The following RAB3C variants were observed in gnomAD, a reference collection of about 807,000 sequenced individuals.
RAB3C encodes ras-related protein Rab-3C.
Under a neutral mutation model 26.4 loss-of-function variants are expected in RAB3C, and 17 were observed. That is an observed-to-expected ratio of 0.64 (90% confidence interval 0.44 to 0.97). RAB3C has a LOEUF of 0.97. Ranked by LOEUF, RAB3C falls within the 50% of genes least tolerant of loss-of-function variation. The probability of loss-of-function intolerance (pLI) is 0.00; values close to 1 mark genes in which losing one functional copy is unlikely to be tolerated. For missense variants in RAB3C, 242 were observed against 281.9 expected (o/e 0.86, Z 1.01); for synonymous variants, 91 against 95.9 (o/e 0.95, Z 0.30).
intron 3 of RAB3C, among the ~76,000 whole-genome samples, chr5:58,746,368 A>C (rs960212671): frequency 2.0e-5 from 3 of 152,182 alleles, no homozygotes; most frequent in African/African-American, 7.2e-5. Context: ...TCAGGACAAC[A>C]AAGAACATCA....
intron 3 of RAB3C, among the ~76,000 whole-genome samples, chr5:58,820,886 C>G (rs1025955509): frequency 1.3e-5 from 2 of 152,094 alleles, no homozygotes; most frequent in African/African-American, 2.4e-5. Context: ...TTACAGCAGC[C>G]TGAGACCCCA....
At chr5:58,697,178 T>G (rs1288834349) in intron 2 of RAB3C, among the ~76,000 whole-genome samples, 2 of 152,158 alleles carry the variant, frequency 1.3e-5, no homozygotes, top group Non-Finnish European at 2.9e-5. Context: ...ATTTCGTTAT[T>G]TACCCAGTAG....
chr5:58,766,266 G>A (rs1741901377), intron 3 of RAB3C, among the ~76,000 whole-genome samples: 1 of 152,026 alleles, frequency 6.6e-6, no homozygotes, highest in Admixed American at 6.6e-5. Flanking sequence ...ACAGGCGTGT[G>A]CCACCACATT....
chr5:58,717,131 A>T (rs1280976954), intron 2 of RAB3C, among the ~76,000 whole-genome samples: 1 of 152,084 alleles, frequency 6.6e-6, no homozygotes, highest in Non-Finnish European at 1.5e-5. Flanking sequence ...CTTTTTAAAA[A>T]GTTGATTATT....
intron 4 of RAB3C, among the ~76,000 whole-genome samples, chr5:58,834,179 C>G (rs1476069875): frequency 6.6e-6 from 1 of 152,204 alleles, no homozygotes; most frequent in Non-Finnish European, 1.5e-5. Context: ...TAGATTTCAG[C>G]CTATCGTTAC....
At chr5:58,719,099 G>A (rs1465336703) in intron 2 of RAB3C, among the ~76,000 whole-genome samples, 7 of 151,828 alleles carry the variant, frequency 4.6e-5, no homozygotes, top group Non-Finnish European at 8.8e-5. Flanking sequence ...CAGTATATGC[G>A]TCATGACTTT....
intron 2 of RAB3C, among the ~76,000 whole-genome samples, chr5:58,658,140 A>G: frequency 6.6e-6 from 1 of 152,210 alleles, no homozygotes; most frequent in East Asian, 1.9e-4. Context: ...AGTATTAGAC[A>G]ATTTGCCTAT....
intron 2 of RAB3C, among the ~76,000 whole-genome samples, chr5:58,710,599 AAAATAAATAAAT>A (rs1554048943): frequency 4.1e-4 from 55 of 135,624 alleles, no homozygotes; most frequent in Admixed American, 7.1e-4. Context: ...ACTCTGTCTC[AAAATAAATAAAT>A]AAATAAATAA....
At chr5:58,678,185 G>C (rs765333707) in intron 2 of RAB3C, among the ~76,000 whole-genome samples, 2 of 151,986 alleles carry the variant, frequency 1.3e-5, no homozygotes, top group African/African-American at 4.8e-5. Flanking sequence ...CCTTCTTTAT[G>C]ATGCTAAATT....
At chr5:58,720,220 T>G (rs1561299767) in intron 2 of RAB3C, among the ~76,000 whole-genome samples, 1 of 151,912 alleles carries the variant, frequency 6.6e-6, no homozygotes, top group Non-Finnish European at 1.5e-5. Flanking sequence ...CCCTTCAACT[T>G]TAAATTTTTG....
At chr5:58,734,734 TCTC>T (rs1741099487) in intron 3 of RAB3C, among the ~76,000 whole-genome samples, 1 of 151,918 alleles carries the variant, frequency 6.6e-6, no homozygotes, top group South Asian at 2.1e-4. Context: ...AATCTTAACT[TCTC>T]ATTTTCTCAG....
chr5:58,673,044 G>A (rs1436657375), intron 2 of RAB3C, among the ~76,000 whole-genome samples: 1 of 152,110 alleles, frequency 6.6e-6, no homozygotes, highest in Non-Finnish European at 1.5e-5. Flanking sequence ...TTGGAGTTGG[G>A]TTTTGTTGGG....
At chr5:58,795,245 TGTTA>T (rs1440706184) in intron 3 of RAB3C, among the ~76,000 whole-genome samples, 5 of 152,228 alleles carry the variant, frequency 3.3e-5, no homozygotes, top group African/African-American at 1.2e-4. Context: ...CATGTGGAAC[TGTTA>T]GTCAATTAAA....
rs35213627 is a variant in RAB3C at position 58,707,988 on chromosome 5, C to CTT, written c.253-18001_253-18000dup. Among the ~76,000 whole-genome samples, 351 of 142,494 alleles carry CTT rather than the reference C, an allele frequency of 2.5e-3. 5 individuals are homozygous for CTT. The South Asian group carries it at 0.028, about 11-fold the overall frequency. The allele number at this position is 142,494 out of a possible 152,430, so 93.5% of individuals were successfully genotyped here. A position where few individuals can be genotyped will look rare whatever the true frequency, so the allele number is the denominator to read the frequency against. On this transcript the variant is annotated intron_variant, in intron 2 of 4. Coordinates refer to ENST00000282878, the MANE Select transcript of RAB3C (RefSeq NM_138453.4). ...AAGAATCATCCCTTATCTTTCTTTCCTTTTTTTTTTTTTTCTTTTTGAGAC... is the reference window on the plus strand; with the variant it reads ...AAGAATCATCCCTTATCTTTCTTTCCTTTTTTTTTTTTTTTTCTTTTTGAGAC...
intron 1 of RAB3C, among the ~76,000 whole-genome samples, chr5:58,588,714 G>A (rs111535336): frequency 6.6e-6 from 1 of 152,078 alleles, no homozygotes; most frequent in Admixed American, 6.6e-5. Flanking sequence ...TGAAATTTAG[G>A]TTAATTAATT....
chr5:58,721,282 T>C lies in RAB3C; in HGVS notation c.253-4720T>C, dbSNP rs1431793319. ...AAAAAAAAGAGGAAAATGAAAGCTGTATCACTCATGGAAGAAAGTTTTTAT... is the reference window on the plus strand; with the variant it reads ...AAAAAAAAGAGGAAAATGAAAGCTGCATCACTCATGGAAGAAAGTTTTTAT... On this transcript the variant is annotated intron_variant, in intron 2 of 4. Transcript: ENST00000282878. Among the ~76,000 whole-genome samples, 7 of 150,762 alleles carry C rather than the reference T, an allele frequency of 4.6e-5. No individual in the cohort carries two copies. The East Asian group carries it at 5.9e-4, about 13-fold the overall frequency.
intron 3 of RAB3C, among the ~76,000 whole-genome samples, chr5:58,786,965 A>G (rs1025688161): frequency 6.6e-5 from 10 of 152,084 alleles, no homozygotes; most frequent in African/African-American, 2.4e-4. Flanking sequence ...AAGGAGCACA[A>G]GAGGCTCCGA....
chr5:58,724,615 T>C (rs114810767), intron 2 of RAB3C, among the ~76,000 whole-genome samples: 1 of 151,952 alleles, frequency 6.6e-6, no homozygotes, highest in Non-Finnish European at 1.5e-5. Context: ...TTTATTTTGT[T>C]TTCTATAGTC....
rs372869523 is a variant in RAB3C at position 58,766,264 on chromosome 5, G to A, written c.371+40144G>A. On this transcript the variant is annotated intron_variant, in intron 3 of 4. Coordinates refer to ENST00000282878, the MANE Select transcript of RAB3C (RefSeq NM_138453.4). ...CCAGAGTAGCTGGGATTACAGGCGT[G>A]TGCCACCACATTCAGCTAATTTTTT... is the stretch of plus-strand genomic sequence containing the variant. Among the ~76,000 whole-genome samples the A allele has an allele frequency of 1.6e-3, 248 of 152,102 alleles. 7 individuals carry two copies. The South Asian group carries it at 0.05, about 31-fold the overall frequency.
Sources: allele counts gnomAD v4.1 joint callset (sites outside exome capture counted in the v4.1 genomes callset), GRCh38; gene constraint gnomAD v4.1.1; transcripts MANE v1.5; gene names NCBI Gene and HGNC (gene_info 2026-07-23, HGNC 2026-07-21).